The following NPR3 variants were observed in gnomAD, a reference collection of about 807,000 sequenced individuals.
NPR3 encodes the protein atrial natriuretic peptide receptor 3.
Under a neutral mutation model 54.5 loss-of-function variants are expected in NPR3, and 34 were observed. The ratio of observed to expected loss-of-function variants is 0.62; its 90% CI spans 0.47 to 0.83. The LOEUF (loss-of-function observed/expected upper bound fraction) is 0.83, where lower values mean the gene tolerates loss of function less well. Among genes scored for constraint, NPR3 ranks in the 40% least tolerant of loss-of-function variants. The probability of loss-of-function intolerance (pLI) is 0.00; values close to 1 mark genes in which losing one functional copy is unlikely to be tolerated. For missense variants in NPR3, 674 were observed against 720.8 expected, an observed-to-expected ratio of 0.94 and a Z score of 0.74; for synonymous variants, 289 against 297.1, an observed-to-expected ratio of 0.97 and a Z score of 0.28.
chr5:32,751,122 C>T (rs540659857), intron 3 of NPR3, among the ~76,000 whole-genome samples: 1 of 151,730 alleles, frequency 6.6e-6, no homozygotes, highest in East Asian at 1.9e-4. Context: ...ATTGAGGTGA[C>T]TCAATTTTAA....
intron 2 of NPR3, among the ~76,000 whole-genome samples, chr5:32,731,150 C>A (rs1382070268): frequency 6.6e-6 from 1 of 152,166 alleles, no homozygotes; most frequent in African/African-American, 2.4e-5. Flanking sequence ...TGACTTATTG[C>A]TGGTGATGTT....
At chr5:32,713,520 G>T (rs1218059760) in intron 1 of NPR3, 1 of 935,130 alleles carries the variant, frequency 1.1e-6, no homozygotes, top group African/African-American at 1.8e-5. Context: ...TAGGAGCACT[G>T]CGATGAGGGA....
intron 1 of NPR3, among the ~76,000 whole-genome samples, chr5:32,699,019 A>T (rs1579568031): frequency 6.6e-6 from 1 of 151,916 alleles, no homozygotes; most frequent in African/African-American, 2.4e-5. Context: ...GTTTGTTATT[A>T]GTTTTCTGGT....
chr5:32,751,341 C>T (rs998998794), intron 3 of NPR3, among the ~76,000 whole-genome samples: 5 of 152,082 alleles, frequency 3.3e-5, no homozygotes, highest in African/African-American at 1.2e-4. Context: ...TCCATTGTAC[C>T]CTTAGAGAGC....
At chr5:32,718,663 G>C (rs1738682680) in intron 1 of NPR3, among the ~76,000 whole-genome samples, 1 of 152,130 alleles carries the variant, frequency 6.6e-6, no homozygotes, top group Non-Finnish European at 1.5e-5. Flanking sequence ...TGTTAATGTT[G>C]TATAGGAATG....
Position 32,769,616 on chromosome 5 carries a change from G to C in NPR3, c.1060-5092G>C, listed in dbSNP as rs143694867. ...CCCTCCTTTGCACTGGGAACCACTGGTCTGTGGTAGGGAAGGTAGAACTAC... is the reference window on the plus strand; with the variant it reads ...CCCTCCTTTGCACTGGGAACCACTGCTCTGTGGTAGGGAAGGTAGAACTAC... On this transcript the variant is annotated intron_variant, in intron 3 of 7. Coordinates refer to ENST00000265074, the MANE Select transcript of NPR3 (RefSeq NM_001204375.2). Among the ~76,000 whole-genome samples the C allele has an allele frequency of 5.2e-4, 79 of 152,340 alleles. 1 individual carries two copies. Among genetic ancestry groups the C allele is most frequent in the African/African-American group, 1.8e-3 (75 of 41,580 alleles).
At chr5:32,724,884 G>A in intron 2 of NPR3, 64 bp downstream of exon 2, 15 of 1,580,668 alleles carry the variant, frequency 9.5e-6, no homozygotes, top group Non-Finnish European at 1.3e-5. Context: ...AGATGCCCAT[G>A]AATGGTGGGT....
chr5:32,767,532 T>G (rs1352209910), intron 3 of NPR3, among the ~76,000 whole-genome samples: 1 of 152,250 alleles, frequency 6.6e-6, no homozygotes, highest in African/African-American at 2.4e-5. Flanking sequence ...TTTGTAAACC[T>G]GCTTAACCAA....
chr5:32,753,714 A>G (rs909637261), intron 3 of NPR3, among the ~76,000 whole-genome samples: 17 of 145,828 alleles, frequency 1.2e-4, no homozygotes, highest in African/African-American at 4.1e-4. Flanking sequence ...TTACCAGGAC[A>G]TTGCATTTAA....
rs1337666126 is a variant in NPR3 at position 32,711,988 on chromosome 5, G to A, written c.212G>A (p.Arg71Gln). 1.2e-6 allele frequency: 2 copies of A among 1,611,170 alleles called. No homozygotes were observed. Among genetic ancestry groups the A allele is most frequent in the Non-Finnish European group, 1.7e-6 (2 of 1,178,678 alleles). The change falls in exon 1 of 8, where the codon CGG becomes CAG. Residue 71 changes from arginine to glutamine, a missense_variant. By Grantham distance (43) the Arg-to-Gln change is conservative. Coordinates refer to ENST00000265074, the MANE Select transcript of NPR3 (RefSeq NM_001204375.2). Reference sequence around the variant, plus strand: ...GACTCGTACTTGTTTTCACTCACCCGGGTGCGGCCGGCCATCGAGTATGCT... The same window carrying A: ...GACTCGTACTTGTTTTCACTCACCCAGGTGCGGCCGGCCATCGAGTATGCT... Reference protein sequence around the residue: ...QDDSYLFSLTRVRPAIEYALR... With the variant: ...QDDSYLFSLTQVRPAIEYALR...
chr5:32,780,802 G>A lies in NPR3; in HGVS notation c.1276G>A (p.Ala426Thr). The A allele has an allele frequency of 1.3e-6, 2 of 1,571,604 alleles. No individual in the cohort carries two copies. The highest frequency in any genetic ancestry group is 1.8e-6 in the Non-Finnish European group (2 of 1,141,426). The change falls in exon 5 of 8, where the codon GCG (alanine) becomes ACG (threonine). Residue 426 changes from alanine to threonine, a missense_variant. Ala to Thr is a moderately conservative substitution (Grantham distance 58). Transcript: ENST00000265074. ...TGTGATTGCCATGACTGATGTGGAG[G>A]CGGGCACCCAGGAGGTGAGCACGTG... The part of the protein sequence containing the change: ...FSVIAMTDVE[A>T]GTQEVIGDYF...
Position 32,774,757 on chromosome 5 carries a change from T to C in NPR3, c.1109T>C (p.Leu370Ser). 2 of 1,606,446 alleles carry C rather than the reference T, an allele frequency of 1.2e-6. No homozygotes were observed. Among genetic ancestry groups the C allele is most frequent in the Non-Finnish European group, 1.7e-6 (2 of 1,173,006 alleles). Residue 370 changes from leucine (L) to serine (S), a missense_variant, in exon 4 of 8, where the codon TTG becomes TCG. Leu to Ser is a moderately radical substitution (Grantham distance 145). Transcript: ENST00000265074. ...GFHDAILLYV[L>S]ALHEVLRAGY... Reference sequence around the variant, plus strand: ...CACGATGCCATCCTCCTCTACGTCTTGGCTCTACATGAAGTACTCAGAGCT... The same window carrying C: ...CACGATGCCATCCTCCTCTACGTCTCGGCTCTACATGAAGTACTCAGAGCT...
intron 1 of NPR3, among the ~76,000 whole-genome samples, chr5:32,691,883 A>G (rs1157531732): frequency 6.6e-6 from 1 of 152,268 alleles, no homozygotes; most frequent in Non-Finnish European, 1.5e-5. Context: ...TAGATTTTAC[A>G]CTTACTATTG....
At chr5:32,752,233 A>G (rs959521848) in intron 3 of NPR3, among the ~76,000 whole-genome samples, 3 of 151,322 alleles carry the variant, frequency 2.0e-5, no homozygotes, top group African/African-American at 7.4e-5. Flanking sequence ...AAACAAAAAC[A>G]AAAACAAAAA....
chr5:32,722,427 C>G (rs1738913837), intron 1 of NPR3, among the ~76,000 whole-genome samples: 1 of 152,210 alleles, frequency 6.6e-6, no homozygotes, highest in South Asian at 2.1e-4. Flanking sequence ...TCATAACCAT[C>G]CTGGACCTCA....
chr5:32,700,319 C>T (rs973506159), intron 1 of NPR3, among the ~76,000 whole-genome samples: 1 of 152,156 alleles, frequency 6.6e-6, no homozygotes, highest in Non-Finnish European at 1.5e-5. Flanking sequence ...TCTTTAAGGC[C>T]AGTAACTCTT....
chr5:32,714,158 C>T (rs141487825), intron 1 of NPR3, among the ~76,000 whole-genome samples: 132 of 151,612 alleles, frequency 8.7e-4, no homozygotes, highest in African/African-American at 3.1e-3. Flanking sequence ...AGAGACTTCC[C>T]AAGGCCGGCT....
chr5:32,744,140 G>A (rs537443861), intron 3 of NPR3, among the ~76,000 whole-genome samples: 66 of 151,990 alleles, frequency 4.3e-4, no homozygotes, highest in African/African-American at 1.5e-3. Context: ...TTACAGGCAC[G>A]TGCCGCCACG....
intron 2 of NPR3, among the ~76,000 whole-genome samples, chr5:32,738,500 A>G (rs1159687647): frequency 6.6e-6 from 1 of 152,164 alleles, no homozygotes; most frequent in Non-Finnish European, 1.5e-5. Flanking sequence ...TCCACAGTTG[A>G]TTGTAGGTAT....
Sources: allele counts gnomAD v4.1 joint callset (sites outside exome capture counted in the v4.1 genomes callset), GRCh38; gene constraint gnomAD v4.1.1; transcripts MANE v1.5; gene names NCBI Gene and HGNC (gene_info 2026-07-23, HGNC 2026-07-21).